Variants in PRTN3 observed in about 807,000 individuals in gnomAD.
PRTN3 encodes the protein proteinase 3.
A neutral mutation model predicts 20.7 loss-of-function variants in PRTN3; 22 were observed. That is an observed-to-expected ratio of 1.06 (90% CI 0.76 to 1.52). The LOEUF is 1.52. PRTN3 is among the 40% of genes most tolerant of loss of function. The probability of loss-of-function intolerance (pLI) is 0.00; values close to 1 mark genes in which losing one functional copy is unlikely to be tolerated. For missense variants in PRTN3, 378 were observed against 359.6 expected, an observed-to-expected ratio of 1.05 and a Z score of -0.41; for synonymous variants, 173 against 152.9, an observed-to-expected ratio of 1.13 and a Z score of -0.97.
chr19:843,912 G>GTTCC lies in PRTN3; in HGVS notation c.248_249insTCCT (p.Val84ProfsTer104). The GTTCC allele has an allele frequency of 6.3e-7, 1 of 1,595,690 alleles. No homozygotes were observed. The highest frequency in any genetic ancestry group is 8.5e-7 in the Non-Finnish European group (1 of 1,172,244). On this transcript the variant is annotated frameshift_variant, in exon 3 of 5. Coordinates refer to ENST00000234347, the MANE Select transcript of PRTN3 (RefSeq NM_002777.4). LOFTEE classifies it high-confidence loss of function. ...CCGCAGACCCCAGCGCCTGGTGAAC[G>GTTCC]TGGTGCTCGGAGCCCACAACGTGCG...
At chr19:842,016 C>T (rs1212731360) in intron 1 of PRTN3, among the ~76,000 whole-genome samples, 3 of 134,502 alleles carry the variant, frequency 2.2e-5, no homozygotes, top group South Asian at 2.4e-4. Context: ...CGTGAGCCAC[C>T]GCGCCTGGCC....
chr19:843,764 T>A (rs2035476774), intron 2 of PRTN3, 129 bp from the exon 3 acceptor site: 17 of 1,454,012 alleles, frequency 1.2e-5, no homozygotes, highest in Non-Finnish European at 1.4e-5. Flanking sequence ...CGTGGGCAGT[T>A]CTGGGGGGAG....
At chr19:847,583 A>AGAGAG (rs1568301075) in intron 4 of PRTN3, among the ~76,000 whole-genome samples, 1 of 144,478 alleles carries the variant, frequency 6.9e-6, no homozygotes, top group African/African-American at 2.7e-5. Context: ...GAGAGAGAGA[A>AGAGAG]AGAAAGAAAG....
intron 1 of PRTN3, 52 bp from the exon 2 acceptor site, chr19:843,409 C>A: frequency 6.7e-7 from 1 of 1,491,586 alleles, no homozygotes; most frequent in East Asian, 2.5e-5. Flanking sequence ...CTGCCATCCC[C>A]CCTTTCCCTG....
intron 1 of PRTN3, among the ~76,000 whole-genome samples, chr19:842,606 T>TTTTTTTTTGG (rs2035460969): frequency 7.1e-6 from 1 of 141,410 alleles, no homozygotes; most frequent in Non-Finnish European, 1.5e-5. Context: ...TTTTTTTTTT[T>TTTTTTTTTGG]GAGACGGAGT....
chr19:843,480 GAT>G lies in PRTN3; in HGVS notation c.82_83del (p.Ile28ArgfsTer158). ...LLSGAARAAE[I>X]VGGHEAQPHS... ...CTGCAGGTGCTGCCCGAGCTGCGGA[GAT>G]CGTGGGCGGGCACGAGGCGCAGCCA... On this transcript the variant is annotated frameshift_variant, in exon 2 of 5. Transcript: ENST00000234347. LOFTEE classifies it high-confidence loss of function. The G allele has an allele frequency of 1.3e-6, 2 of 1,576,534 alleles. No individual in the cohort carries two copies. Among genetic ancestry groups the G allele is most frequent in the Non-Finnish European group, 1.7e-6 (2 of 1,165,614 alleles).
chr19:847,597 G>A (rs1186573823), intron 4 of PRTN3, among the ~76,000 whole-genome samples: 2 of 151,886 alleles, frequency 1.3e-5, no homozygotes, highest in Non-Finnish European at 2.9e-5. Context: ...AAGAAAGAAA[G>A]TTCCATATTG....
At chr19:844,542 C>T (rs1039146866) in intron 3 of PRTN3, among the ~76,000 whole-genome samples, 2 of 139,364 alleles carry the variant, frequency 1.4e-5, no homozygotes, top group Admixed American at 7.5e-5. Flanking sequence ...CCTGCGCCTC[C>T]GCCCGGTGTG....
In PRTN3 at chr19:847,838, C is replaced by G; in HGVS notation, c.640C>G (p.Gln214Glu). Reference protein sequence around the residue: ...GGPLICDGIIQGIDSFVIWGC... With the variant: ...GGPLICDGIIEGIDSFVIWGC... The stretch of plus-strand genomic sequence containing the variant: ...CCCCCTGATCTGTGATGGCATCATC[C>G]AAGGAATAGACTCCTTCGTGATCTG... The change falls in exon 5 of 5, where the codon CAA (glutamine) becomes GAA (glutamate). Residue 214 changes from glutamine (Q) to glutamate (E), a missense_variant. Physicochemically the swap from Gln to Glu is conservative, Grantham distance 29. Coordinates refer to ENST00000234347, the MANE Select transcript of PRTN3 (RefSeq NM_002777.4). 1.2e-6 allele frequency: 2 copies of G among 1,609,586 alleles called. No homozygotes were observed. Among genetic ancestry groups the G allele is most frequent in the Non-Finnish European group, 1.7e-6 (2 of 1,177,802 alleles).
Position 846,207 on chromosome 19 carries a change from C to T in PRTN3, c.430C>T (p.Gln144Ter). 4 of 1,541,648 alleles carry T rather than the reference C, an allele frequency of 2.6e-6. No homozygotes were observed. The highest frequency in any genetic ancestry group is 3.5e-6 in the Non-Finnish European group (4 of 1,142,218). Residue 144 changes from glutamine (Q) to a stop codon, truncating the protein, a stop_gained, in exon 4 of 5, where the codon CAG (glutamine) becomes TAG (stop). Transcript: ENST00000234347. LOFTEE classifies it high-confidence loss of function. The part of the protein sequence containing the change: ...VATVQLPQQD[Q>*]PVPHGTQCLA... ...CACAGTCCAGCTGCCACAGCAGGAC[C>T]AGCCAGTGCCCCACGGCACCCAGTG...
In PRTN3 at chr19:841,185, G is replaced by A. The variant is rs2145122495; in HGVS notation, c.61+116G>A. 5 of 1,344,684 alleles carry A rather than the reference G, an allele frequency of 3.7e-6. No individual in the cohort carries two copies. In the South Asian group the frequency reaches 6.6e-5, roughly 18 times the overall value. The allele number at this position is 1,344,684 out of a possible 1,614,324, so 83.3% of individuals were successfully genotyped here. A position where few individuals can be genotyped will look rare whatever the true frequency, so the allele number is the denominator to read the frequency against. ...GGCACAGCTGGGGAAACTGAGGCAG[G>A]GTCAGGGGAGACTCCACTCACTGCT... On this transcript the variant is annotated intron_variant, in intron 1 of 4. Coordinates refer to ENST00000234347, the MANE Select transcript of PRTN3 (RefSeq NM_002777.4).
intron 1 of PRTN3, among the ~76,000 whole-genome samples, chr19:842,413 A>ATTTTTTTTTTTTTTTTTTTTTTTTTT (rs34047197): frequency 2.5e-5 from 1 of 39,420 alleles, no homozygotes; most frequent in African/African-American, 1.5e-4. Context: ...TGCGCCCAGG[A>ATTTTTTTTTTTTTTTTTTTTTTTTTT]TTTTTTTTTT....
intron 4 of PRTN3, among the ~76,000 whole-genome samples, chr19:847,563 G>A (rs200228273): frequency 3.7e-3 from 469 of 127,440 alleles, no homozygotes; most frequent in Middle Eastern, 8.1e-3. Context: ...GAAAGAGAGA[G>A]AGAGAGAGAG....
chr19:846,500 A>C, intron 4 of PRTN3, 123 bp downstream of exon 4: 6 of 1,030,210 alleles, frequency 5.8e-6, no homozygotes, highest in Non-Finnish European at 8.4e-6. Context: ...CCCCACCTGG[A>C]AGGTGGGCAC....
chr19:845,965 G>A (rs150734097), intron 3 of PRTN3, among the ~76,000 whole-genome samples, 182 bp from the exon 4 acceptor site: 242 of 151,924 alleles, frequency 1.6e-3, no homozygotes, highest in African/African-American at 5.6e-3. Flanking sequence ...AAGAAAGAAG[G>A]AAAGAAAATG....
rs376869797 is a variant in PRTN3, at chr19:843,490, G to A, written c.91G>A (p.Gly31Arg). 64 of 1,580,262 alleles carry A rather than the reference G, an allele frequency of 4.0e-5. No homozygotes were observed. Among genetic ancestry groups the A allele is most frequent in the Non-Finnish European group, 5.1e-5 (60 of 1,167,298 alleles). The change falls in exon 2 of 5, where the codon GGG (glycine) becomes AGG (arginine). Residue 31 changes from glycine to arginine, a missense_variant. Coordinates refer to ENST00000234347, the MANE Select transcript of PRTN3 (RefSeq NM_002777.4). ...GAARAAEIVG[G>R]HEAQPHSRPY... is the part of the protein sequence containing the mutation. ...TGCCCGAGCTGCGGAGATCGTGGGC[G>A]GGCACGAGGCGCAGCCACACTCCCG...
rs557984431 is a variant in PRTN3, at chr19:843,326, T to C, written c.62-135T>C. ...CCCCCCCGGCCTGGGCGCTGAGTCC[T>C]TCCCACCAGCCAGCAGGCACTGACC... On this transcript the variant is annotated intron_variant, in intron 1 of 4. Coordinates refer to ENST00000234347, the MANE Select transcript of PRTN3 (RefSeq NM_002777.4). 51 of 982,514 alleles carry C rather than the reference T, an allele frequency of 5.2e-5. No individual in the cohort carries two copies. In the African/African-American group the frequency reaches 8.6e-4, roughly 16 times the overall value. 60.9% of individuals were successfully genotyped at this position (982,514 alleles called of 1,614,324 possible). A position where few individuals can be genotyped will look rare whatever the true frequency, so the allele number is the denominator to read the frequency against.
At chr19:846,108 T>C in intron 3 of PRTN3, 39 bp from the exon 4 acceptor site, 1 of 1,385,772 alleles carries the variant, frequency 7.2e-7, no homozygotes, top group South Asian at 1.6e-5. Flanking sequence ...CACCGTGACC[T>C]GGAAGCAGCG....
At position 846,186 on chromosome 19, in the gene PRTN3, G is replaced by C; in HGVS notation, c.409G>C (p.Val137Leu). 6.6e-7 allele frequency: 1 copy of C among 1,518,728 alleles called. No individual in the cohort carries two copies. Among genetic ancestry groups the C allele is most frequent in the South Asian group, 1.2e-5 (1 of 81,676 alleles). The allele number at this position is 1,518,728 out of a possible 1,614,324, so 94.1% of individuals were successfully genotyped here. The change falls in exon 4 of 5, where the codon GTC (valine) becomes CTC (leucine). Residue 137 changes from valine to leucine, a missense_variant. Val to Leu is a conservative substitution (Grantham distance 32). Coordinates refer to ENST00000234347, the MANE Select transcript of PRTN3 (RefSeq NM_002777.4). Reference protein sequence around the residue: ...PANLSASVATVQLPQQDQPVP... With the variant: ...PANLSASVATLQLPQQDQPVP... ...CAACCTCAGTGCCTCCGTCGCCACA[G>C]TCCAGCTGCCACAGCAGGACCAGCC...
Sources: gnomAD v4.1 joint callset for allele counts (sites outside exome capture counted in the v4.1 genomes callset) on GRCh38, gnomAD v4.1.1 for gene constraint, MANE v1.5 for transcripts, NCBI Gene and HGNC (gene_info 2026-07-23, HGNC 2026-07-21) for gene names.